Variants in TMEM154 observed in about 807,000 individuals in gnomAD.
The protein encoded by TMEM154 is transmembrane protein 154.
Under a neutral mutation model 24.5 loss-of-function variants are expected in TMEM154, and 27 were observed. The observed-to-expected ratio is 1.10, with a 90% confidence interval of 0.81 to 1.52. The LOEUF (loss-of-function observed/expected upper bound fraction) is 1.52. TMEM154 is among the 40% of genes most tolerant of loss of function. TMEM154 has a pLI of 0.00. For missense variants in TMEM154, 228 were observed against 213.4 expected, an observed-to-expected ratio of 1.07 and a Z score of -0.43; for synonymous variants, 67 against 76.8, an observed-to-expected ratio of 0.87 and a Z score of 0.67.
chr4:152,619,070 T>C lies in TMEM154; in HGVS notation c.*9476A>G, dbSNP rs1055340254. ...CAGTAGCGCCAAGCACTTTTCAGGA[T>C]ACAGAGATGAGTAAGACTGATCCCT... On this transcript the variant is annotated 3_prime_UTR_variant, in exon 7 of 7. Coordinates refer to ENST00000304385, the MANE Select transcript of TMEM154 (RefSeq NM_152680.3). 6.6e-6 allele frequency: 1 copy of C among 152,234 alleles called. No homozygotes were observed. Among genetic ancestry groups the C allele is most frequent in the African/African-American group, 2.4e-5 (1 of 41,452 alleles). The allele number at this position is 152,234 out of a possible 1,614,324, so 9.4% of individuals were successfully genotyped here. A position where few individuals can be genotyped will look rare whatever the true frequency, so the allele number is the denominator to read the frequency against.
chr4:152,673,408 C>T (rs1728886647), intron 1 of TMEM154, among the ~76,000 whole-genome samples: 1 of 152,182 alleles, frequency 6.6e-6, no homozygotes, highest in East Asian at 1.9e-4. Context: ...TCAAGCAGTT[C>T]TCCTGCCTTA....
intron 1 of TMEM154, among the ~76,000 whole-genome samples, chr4:152,675,156 C>CAAAAA (rs368552348): frequency 9.9e-4 from 82 of 82,676 alleles, no homozygotes; most frequent in Admixed American, 1.2e-3. Flanking sequence ...GGCTCCATCT[C>CAAAAA]AAAAAAAAAA....
Position 152,645,325 on chromosome 4 carries a change from T to G in TMEM154, c.365-883A>C, listed in dbSNP as rs374988243. Among the ~76,000 whole-genome samples, 23 of 152,360 alleles carry G rather than the reference T, an allele frequency of 1.5e-4. No homozygotes were observed. In the East Asian group the frequency reaches 4.2e-3, roughly 28 times the overall value. On this transcript the variant is annotated intron_variant, in intron 3 of 6. Transcript: ENST00000304385. ...TGGGGTTCAATTCATGTCCAATATT[T>G]CAGACTTAGCATAGTGAAACTTCCA...
rs567953049 is a variant in TMEM154 at position 152,623,460 on chromosome 4, G to A, written c.*5086C>T. On this transcript the variant is annotated 3_prime_UTR_variant, in exon 7 of 7. Coordinates refer to ENST00000304385, the MANE Select transcript of TMEM154 (RefSeq NM_152680.3). ...ATGTTCCTGGCATTATTTATAATTT[G>A]AGGTGTTTCACCGACATCAGAGTAA... 4.6e-5 allele frequency: 7 copies of A among 152,220 alleles called. No homozygotes were observed. In the East Asian group the frequency reaches 1.4e-3, roughly 29 times the overall value. 9.4% of individuals were successfully genotyped at this position (152,220 alleles called of 1,614,324 possible). A position where few individuals can be genotyped will look rare whatever the true frequency, so the allele number is the denominator to read the frequency against.
At chr4:152,631,240 C>T (rs1169309275) in intron 6 of TMEM154, among the ~76,000 whole-genome samples, 1 of 152,136 alleles carries the variant, frequency 6.6e-6, no homozygotes, top group African/African-American at 2.4e-5. Context: ...ATCCTTTTCC[C>T]CACATCCTCT....
At chr4:152,677,379 CACAA>C (rs763148730) in intron 1 of TMEM154, among the ~76,000 whole-genome samples, 9 of 152,328 alleles carry the variant, frequency 5.9e-5, no homozygotes, top group East Asian at 3.9e-4. Flanking sequence ...AGAGTATACT[CACAA>C]ACAGTGTCAG....
At chr4:152,635,022 C>T (rs1038512662) in intron 6 of TMEM154, among the ~76,000 whole-genome samples, 11 of 152,108 alleles carry the variant, frequency 7.2e-5, no homozygotes, top group African/African-American at 1.7e-4. Context: ...GATCTATATA[C>T]GTTTAAATGA....
At chr4:152,670,663 A>C (rs1018552323) in intron 1 of TMEM154, among the ~76,000 whole-genome samples, 5 of 152,240 alleles carry the variant, frequency 3.3e-5, no homozygotes, top group Non-Finnish European at 7.3e-5. Context: ...AATATTCTGG[A>C]ATAAAATTAT....
At chr4:152,674,275 C>T (rs948862259) in intron 1 of TMEM154, among the ~76,000 whole-genome samples, 1 of 151,638 alleles carries the variant, frequency 6.6e-6, no homozygotes, top group Non-Finnish European at 1.5e-5. Flanking sequence ...CCTGTCCATT[C>T]ACTGGGTCAA....
At chr4:152,652,002 G>A (rs963761418) in intron 3 of TMEM154, among the ~76,000 whole-genome samples, 9 of 152,194 alleles carry the variant, frequency 5.9e-5, no homozygotes, top group Non-Finnish European at 1.0e-4. Flanking sequence ...ATGGCTTGTT[G>A]GTGAAGCAGT....
intron 3 of TMEM154, chr4:152,646,982 T>C: frequency 1.4e-6 from 1 of 709,150 alleles, no homozygotes; most frequent in Non-Finnish European, 2.6e-6. Flanking sequence ...GCAAATTTCA[T>C]ACCAGGAGGT....
intron 5 of TMEM154, among the ~76,000 whole-genome samples, chr4:152,641,601 C>T (rs913544911): frequency 2.0e-5 from 3 of 150,726 alleles, no homozygotes; most frequent in South Asian, 2.1e-4. Context: ...TGGCACAAAA[C>T]GTAATACAAC....
intron 1 of TMEM154, among the ~76,000 whole-genome samples, chr4:152,653,994 G>A (rs570142518): frequency 5.3e-5 from 8 of 151,368 alleles, no homozygotes; most frequent in South Asian, 2.1e-4. Flanking sequence ...AGCCAAGATC[G>A]CGCCATTGCA....
chr4:152,648,208 C>T (rs959567240), intron 3 of TMEM154, among the ~76,000 whole-genome samples: 4 of 152,106 alleles, frequency 2.6e-5, no homozygotes, highest in Non-Finnish European at 4.4e-5. Flanking sequence ...AGCAGGGGGG[C>T]GTGGTGGCTC....
chr4:152,632,515 G>A (rs1293136352), intron 6 of TMEM154, among the ~76,000 whole-genome samples: 1 of 152,200 alleles, frequency 6.6e-6, no homozygotes, highest in East Asian at 1.9e-4. Context: ...AATGTGCATA[G>A]GGATTTTTAA....
intron 5 of TMEM154, among the ~76,000 whole-genome samples, chr4:152,642,115 C>T (rs765286793): frequency 6.6e-6 from 1 of 151,492 alleles, no homozygotes; most frequent in Non-Finnish European, 1.5e-5. Context: ...GATGGTGTTT[C>T]ACCATGTTGG....
chr4:152,644,784 G>A lies in TMEM154; in HGVS notation c.365-342C>T, dbSNP rs185207182. ...GTGAAACAAGAGGGCTTGCTCCTTGGCCTCCTTCAGTAAAATGTCCCAGAT... is the reference window on the plus strand; with the variant it reads ...GTGAAACAAGAGGGCTTGCTCCTTGACCTCCTTCAGTAAAATGTCCCAGAT... On this transcript the variant is annotated intron_variant, in intron 3 of 6. Transcript: ENST00000304385. Among the ~76,000 whole-genome samples, 7 of 152,298 alleles carry A rather than the reference G, an allele frequency of 4.6e-5. No individual in the cohort carries two copies. In the East Asian group the frequency reaches 1.2e-3, roughly 25 times the overall value.
At chr4:152,645,727 G>T (rs184808837) in intron 3 of TMEM154, among the ~76,000 whole-genome samples, 1 of 152,188 alleles carries the variant, frequency 6.6e-6, no homozygotes, top group African/African-American at 2.4e-5. Context: ...CTGAGTTCCT[G>T]GCAGCAGTGA....
intron 4 of TMEM154, among the ~76,000 whole-genome samples, 156 bp downstream of exon 4, chr4:152,644,259 A>G (rs1485428631): frequency 6.6e-6 from 1 of 152,188 alleles, no homozygotes; most frequent in East Asian, 1.9e-4. Flanking sequence ...GGATGCCAGC[A>G]CATCCTCCCT....
Sources: gnomAD v4.1 joint callset for allele counts (sites outside exome capture counted in the v4.1 genomes callset) on GRCh38, gnomAD v4.1.1 for gene constraint, MANE v1.5 for transcripts, NCBI Gene and HGNC (gene_info 2026-07-23, HGNC 2026-07-21) for gene names.